The following DNASE1 variants were observed in gnomAD, a reference collection of about 807,000 sequenced individuals.
DNASE1 encodes deoxyribonuclease 1.
In DNASE1, 40 loss-of-function variants were observed where a neutral mutation model predicts 33.9. The ratio of observed to expected loss-of-function variants is 1.18; its 90% CI spans 0.92 to 1.54. The LOEUF is 1.54. Ranked by LOEUF, DNASE1 falls within the 40% of genes most tolerant of loss-of-function variation. DNASE1 has a pLI of 0.00. For synonymous variants in DNASE1, 216 were observed against 160.0 expected, an observed-to-expected ratio of 1.35 and a Z score of -2.64; for missense variants, 518 against 372.6, an observed-to-expected ratio of 1.39 and a Z score of -3.21.
At chr16:3,635,380 C>T (rs1189054996) in intron 1 of DNASE1, among the ~76,000 whole-genome samples, 3 of 150,038 alleles carry the variant, frequency 2.0e-5, no homozygotes, top group Non-Finnish European at 3.0e-5. Context: ...ATTGCTTGAA[C>T]CTGGGAGGCA....
intron 1 of DNASE1, among the ~76,000 whole-genome samples, chr16:3,633,882 C>T (rs910524237): frequency 6.6e-6 from 1 of 151,934 alleles, no homozygotes; most frequent in Non-Finnish European, 1.5e-5. Context: ...GATCTCGGCT[C>T]ACTGCAAGCT....
chr16:3,626,107 G>T (rs566643226), intron 1 of DNASE1, among the ~76,000 whole-genome samples: 2 of 151,980 alleles, frequency 1.3e-5, no homozygotes, highest in East Asian at 1.9e-4. Flanking sequence ...CTCAAAAAGG[G>T]TGTAAAGATA....
At chr16:3,637,217 C>T (rs1027470311) in intron 1 of DNASE1, among the ~76,000 whole-genome samples, 5 of 152,176 alleles carry the variant, frequency 3.3e-5, no homozygotes, top group Non-Finnish European at 4.4e-5. Flanking sequence ...GCTCTGTCTG[C>T]TGTTTGCTGT....
intron 1 of DNASE1, among the ~76,000 whole-genome samples, chr16:3,643,927 AT>A (rs1280833998): frequency 1.3e-5 from 2 of 151,758 alleles, no homozygotes; most frequent in African/African-American, 2.4e-5. Flanking sequence ...TGCCCGGCTA[AT>A]TTTTTTGTAT....
At chr16:3,662,614 T>C (rs2043150208), downstream of DNASE1, 1 of 652,084 alleles carries the variant, frequency 1.5e-6, no homozygotes, top group South Asian at 1.5e-5. Context: ...CCTCAGCCAT[T>C]GCAGCTCCCA....
intron 1 of DNASE1, among the ~76,000 whole-genome samples, chr16:3,648,992 T>A (rs1047548129): frequency 7.9e-5 from 12 of 152,252 alleles, no homozygotes; most frequent in African/African-American, 2.7e-4. Flanking sequence ...GATTTCCCAG[T>A]CTGGGTCGTA....
upstream of DNASE1, chr16:3,651,234 A>G (rs1190525647): frequency 2.0e-5 from 3 of 152,162 alleles, no homozygotes; most frequent in East Asian, 5.8e-4. Flanking sequence ...CTGTAATTTC[A>G]GCCAAATCAG....
At chr16:3,635,457 CAAAA>C (rs753495578) in intron 1 of DNASE1, among the ~76,000 whole-genome samples, 4 of 59,688 alleles carry the variant, frequency 6.7e-5, no homozygotes, top group Non-Finnish European at 6.8e-5. Flanking sequence ...GACTCTGTCT[CAAAA>C]AAAAAAAAAA....
At chr16:3,662,596 C>T (rs1316237101), downstream of DNASE1, 5 of 629,008 alleles carry the variant, frequency 7.9e-6, no homozygotes, top group East Asian at 3.2e-5. Flanking sequence ...TGTTTGGAAC[C>T]CCCACGTCCT....
At chr16:3,641,160 T>TG (rs34196467), upstream of DNASE1, 1 of 389,968 alleles carries the variant, frequency 2.6e-6, no homozygotes, top group Non-Finnish European at 4.5e-6. Flanking sequence ...CTCCACGCTG[T>TG]GGGGGGCGTG....
chr16:3,621,748 A>G (rs2041321290), intron 1 of DNASE1, among the ~76,000 whole-genome samples: 1 of 152,226 alleles, frequency 6.6e-6, no homozygotes, highest in African/African-American at 2.4e-5. Flanking sequence ...ATCAAGGGAC[A>G]TTAGATGGCT....
At chr16:3,615,076 T>C (rs2041052370) in intron 1 of DNASE1, among the ~76,000 whole-genome samples, 1 of 152,208 alleles carries the variant, frequency 6.6e-6, no homozygotes, top group Admixed American at 6.5e-5. Context: ...ATTTTTTTTT[T>C]TTAATTGGAA....
downstream of DNASE1, chr16:3,660,567 C>T (rs765186909): frequency 2.6e-5 from 4 of 152,140 alleles, no homozygotes; most frequent in African/African-American, 4.8e-5. Context: ...ACCTGGTGTC[C>T]GCCTCACTGA....
At chr16:3,623,606 C>G (rs2041399339) in intron 1 of DNASE1, among the ~76,000 whole-genome samples, 1 of 152,044 alleles carries the variant, frequency 6.6e-6, no homozygotes, top group Non-Finnish European at 1.5e-5. Context: ...CGTAGTATCT[C>G]CAAGGATCTC....
At chr16:3,662,206 T>C, downstream of DNASE1, 10 of 1,546,330 alleles carry the variant, frequency 6.5e-6, no homozygotes, top group South Asian at 1.2e-4. Flanking sequence ...TTACCAGGGG[T>C]GAAGGTCACC....
chr16:3,622,877 G>GAA (rs2041372165), intron 1 of DNASE1, among the ~76,000 whole-genome samples: 1 of 152,106 alleles, frequency 6.6e-6, no homozygotes, highest in East Asian at 1.9e-4. Context: ...TCTTAATGAT[G>GAA]CCTTGTAATG....
chr16:3,629,798 TGGTA>T (rs141789670), intron 1 of DNASE1, among the ~76,000 whole-genome samples: 2,726 of 152,218 alleles, frequency 0.018, 66 homozygotes, highest in African/African-American at 0.06. Flanking sequence ...GATTTAGTCT[TGGTA>T]GGGGTTTTTT....
At chr16:3,655,814 AG>A (rs773018864) in intron 2 of DNASE1, 34 bp from the exon 3 acceptor site, 35 of 1,610,586 alleles carry the variant, frequency 2.2e-5, no homozygotes, top group Non-Finnish European at 3.0e-5. Flanking sequence ...GGGTGGCACC[AG>A]CCCTGCTCAG....
intron 1 of DNASE1, 26 bp from the exon 2 acceptor site, chr16:3,655,347 T>C (rs961223901): frequency 6.2e-6 from 10 of 1,613,622 alleles, no homozygotes; most frequent in African/African-American, 4.0e-5. Flanking sequence ...ACTTCTGTTA[T>C]GTCTCTGTGC....
Sources: gnomAD v4.1 joint callset for allele counts (sites outside exome capture counted in the v4.1 genomes callset) on GRCh38, gnomAD v4.1.1 for gene constraint, MANE v1.5 for transcripts, NCBI Gene and HGNC (gene_info 2026-07-23, HGNC 2026-07-21) for gene names.